The following PTPRD variants were observed in gnomAD, a reference collection of about 807,000 sequenced individuals.
The protein encoded by PTPRD is receptor-type tyrosine-protein phosphatase delta.
A neutral mutation model predicts 214.5 loss-of-function variants in PTPRD; 34 were observed. That is an observed-to-expected ratio of 0.16 (90% confidence interval 0.12 to 0.21). The LOEUF is 0.21. PTPRD is among the 10% of genes least tolerant of loss of function. The probability of loss-of-function intolerance (pLI) is 1.00; values close to 1 mark genes in which losing one functional copy is unlikely to be tolerated. For missense variants in PTPRD, 2,545 were observed against 2,398.7 expected (o/e 1.06, Z -1.27); for synonymous variants, 1,128 against 845.7 (o/e 1.33, Z -5.79).
intron 3 of PTPRD, among the ~76,000 whole-genome samples, chr9:10,135,548 A>G (rs1387945258): frequency 6.6e-6 from 1 of 152,134 alleles, no homozygotes; most frequent in East Asian, 1.9e-4. Flanking sequence ...GGAACATTAC[A>G]AGCCAGGAAA....
intron 7 of PTPRD, among the ~76,000 whole-genome samples, chr9:9,657,305 AC>A: frequency 6.6e-6 from 1 of 152,178 alleles, no homozygotes; most frequent in Non-Finnish European, 1.5e-5. Flanking sequence ...CTTTGCAGGG[AC>A]ATGGATGAAA....
intron 8 of PTPRD, among the ~76,000 whole-genome samples, chr9:9,527,893 A>G (rs1054608934): frequency 9.9e-5 from 15 of 152,248 alleles, no homozygotes; most frequent in African/African-American, 3.1e-4. Flanking sequence ...GTAATAACAA[A>G]GACTCTTCTG....
At chr9:8,808,964 G>C (rs1326249506) in intron 11 of PTPRD, among the ~76,000 whole-genome samples, 1 of 152,044 alleles carries the variant, frequency 6.6e-6, no homozygotes, top group East Asian at 1.9e-4. Flanking sequence ...TGGAACACAA[G>C]TGCTTAAGCA....
At chr9:9,352,312 T>TAA (rs2051573181) in intron 9 of PTPRD, among the ~76,000 whole-genome samples, 1 of 59,660 alleles carries the variant, frequency 1.7e-5, no homozygotes, top group African/African-American at 5.2e-5. Flanking sequence ...CAAAAAACCA[T>TAA]ATATATATAT....
chr9:9,726,227 A>C (rs1258518338), intron 7 of PTPRD, among the ~76,000 whole-genome samples: 1 of 152,130 alleles, frequency 6.6e-6, no homozygotes, highest in Non-Finnish European at 1.5e-5. Context: ...CACCAAAAAA[A>C]CTTCACTATC....
intron 9 of PTPRD, among the ~76,000 whole-genome samples, chr9:9,199,563 T>C (rs2099940652): frequency 6.6e-6 from 1 of 152,124 alleles, no homozygotes; most frequent in African/African-American, 2.4e-5. Flanking sequence ...AAAAGTGTTA[T>C]AAAGGAAACC....
intron 2 of PTPRD, among the ~76,000 whole-genome samples, chr9:10,580,271 G>A (rs557201786): frequency 6.6e-6 from 1 of 152,156 alleles, no homozygotes; most frequent in South Asian, 2.1e-4. Context: ...CTTAGCTAGA[G>A]TGTGAAATAA....
At chr9:10,345,053 GA>G (rs991444170) in intron 2 of PTPRD, among the ~76,000 whole-genome samples, 15 of 152,130 alleles carry the variant, frequency 9.9e-5, no homozygotes, top group African/African-American at 3.1e-4. Context: ...GAAACTTGGT[GA>G]AGACTATGGC....
At chr9:9,938,139 A>C (rs2090217219) in intron 5 of PTPRD, among the ~76,000 whole-genome samples, 1 of 152,150 alleles carries the variant, frequency 6.6e-6, no homozygotes, top group South Asian at 2.1e-4. Context: ...ACAATGTGTC[A>C]GTTGAAATGC....
At position 10,244,652 on chromosome 9, in the gene PTPRD, G is replaced by A. The variant is rs927345985; in HGVS notation, c.-545+96311C>T. ...GAAAATAAAACATTATTTCATACCA[G>A]TTCAAATCTCATAGAGCCCCTCTTG... On this transcript the variant is annotated intron_variant, in intron 3 of 45. Transcript: ENST00000381196. 2.0e-5 allele frequency among the ~76,000 whole-genome samples: 3 copies of A among 152,058 alleles called. No individual in the cohort carries two copies. In the East Asian group the frequency reaches 5.8e-4, roughly 29 times the overall value.
At chr9:10,309,342 T>A (rs929678488) in intron 3 of PTPRD, among the ~76,000 whole-genome samples, 6 of 151,938 alleles carry the variant, frequency 3.9e-5, no homozygotes, top group African/African-American at 1.5e-4. Flanking sequence ...TTCCTTTTGT[T>A]TTTTTGTTTT....
At chr9:9,452,737 T>G (rs1254610685) in intron 8 of PTPRD, among the ~76,000 whole-genome samples, 2 of 151,290 alleles carry the variant, frequency 1.3e-5, no homozygotes, top group Non-Finnish European at 3.0e-5. Context: ...TATCACATAA[T>G]TATAATATGA....
chr9:9,610,846 A>G (rs2094474759), intron 7 of PTPRD, among the ~76,000 whole-genome samples: 1 of 152,214 alleles, frequency 6.6e-6, no homozygotes, highest in South Asian at 2.1e-4. Context: ...ATTTATTAGT[A>G]AAAGTTTTGA....
intron 9 of PTPRD, among the ~76,000 whole-genome samples, chr9:9,263,245 CA>C (rs891294023): frequency 6.6e-6 from 1 of 151,526 alleles, no homozygotes. Context: ...AATTCTGTTT[CA>C]CAAGTACATA....
intron 36 of PTPRD, among the ~76,000 whole-genome samples, chr9:8,391,279 G>A (rs1238652539): frequency 6.6e-6 from 1 of 152,146 alleles, no homozygotes; most frequent in African/African-American, 2.4e-5. Flanking sequence ...ATGAAAATCA[G>A]ATGGAAACTA....
chr9:9,805,084 G>GA (rs2099064553), intron 5 of PTPRD, among the ~76,000 whole-genome samples: 1 of 151,920 alleles, frequency 6.6e-6, no homozygotes, highest in Non-Finnish European at 1.5e-5. Flanking sequence ...CTTTTAATTA[G>GA]AAAAAATAAA....
rs544946000 is a variant in PTPRD at position 9,144,720 on chromosome 9, T to G, written c.-143+38584A>C. Among the ~76,000 whole-genome samples, 4 of 151,964 alleles carry G rather than the reference T, an allele frequency of 2.6e-5. No individual in the cohort carries two copies. The South Asian group carries it at 8.3e-4, about 32-fold the overall frequency. ...GTGACGTGAGATTGTACTATTGCACTCCAACCTAGGCGACAGAGCGAGACT... is the reference window on the plus strand; with the variant it reads ...GTGACGTGAGATTGTACTATTGCACGCCAACCTAGGCGACAGAGCGAGACT... On this transcript the variant is annotated intron_variant, in intron 10 of 45. Coordinates refer to ENST00000381196, the MANE Select transcript of PTPRD (RefSeq NM_002839.4).
intron 3 of PTPRD, among the ~76,000 whole-genome samples, chr9:10,308,228 G>C (rs182449533): frequency 1.3e-5 from 2 of 152,006 alleles, no homozygotes; most frequent in Admixed American, 1.3e-4. Context: ...TCTATTTTGA[G>C]TTGACTTTTG....
intron 11 of PTPRD, among the ~76,000 whole-genome samples, chr9:9,013,100 TA>T (rs2099518570): frequency 6.6e-6 from 1 of 152,178 alleles, no homozygotes; most frequent in Non-Finnish European, 1.5e-5. Context: ...GTTTGTTTTT[TA>T]AGCACCAATG....
Sources: allele counts gnomAD v4.1 joint callset (sites outside exome capture counted in the v4.1 genomes callset), GRCh38; gene constraint gnomAD v4.1.1; transcripts MANE v1.5; gene names NCBI Gene and HGNC (gene_info 2026-07-23, HGNC 2026-07-21).